The following SLC9B1 variants were observed in gnomAD, a reference collection of about 807,000 sequenced individuals.
SLC9B1 encodes the protein sodium/hydrogen exchanger 9B1.
A neutral mutation model predicts 51.7 loss-of-function variants in SLC9B1; 32 were observed. The observed-to-expected ratio is 0.62, with a 90% CI of 0.47 to 0.83. The LOEUF (loss-of-function observed/expected upper bound fraction) is 0.83. Ranked by LOEUF, SLC9B1 falls within the 40% of genes least tolerant of loss-of-function variation. The probability of loss-of-function intolerance (pLI) is 0.00; values close to 1 mark genes in which losing one functional copy is unlikely to be tolerated. For synonymous variants in SLC9B1, 145 were observed against 212.7 expected (o/e 0.68, Z 2.77); for missense variants, 406 against 613.2 (o/e 0.66, Z 3.57).
intron 3 of SLC9B1, among the ~76,000 whole-genome samples, chr4:102,988,684 G>C (rs1739788849): frequency 6.6e-6 from 1 of 151,986 alleles, no homozygotes; most frequent in Non-Finnish European, 1.5e-5. Context: ...AAAAAAGAGA[G>C]TGCAAGAATA....
intron 6 of SLC9B1, among the ~76,000 whole-genome samples, chr4:102,935,847 G>A (rs201804494): frequency 2.0e-5 from 3 of 152,140 alleles, no homozygotes; most frequent in Admixed American, 2.0e-4. Context: ...GCACCCCACA[G>A]CACCATTGCC....
chr4:102,917,753 G>T (rs1381513148), intron 7 of SLC9B1, among the ~76,000 whole-genome samples: 6 of 152,038 alleles, frequency 3.9e-5, no homozygotes, highest in African/African-American at 1.2e-4. Context: ...TCCAATGTTA[G>T]CAAAAGGAAG....
downstream of SLC9B1, among the ~76,000 whole-genome samples, chr4:102,900,614 A>G (rs1347826996): frequency 2.0e-5 from 3 of 152,308 alleles, no homozygotes; most frequent in East Asian, 5.8e-4. Context: ...TAGTCACCAA[A>G]ACCAGAATTT....
chr4:102,910,262 T>C (rs567804010), intron 9 of SLC9B1, among the ~76,000 whole-genome samples, 177 bp downstream of exon 9: 58 of 152,274 alleles, frequency 3.8e-4, no homozygotes, highest in Non-Finnish European at 7.8e-4. Context: ...GATTCCATAT[T>C]AGTATATTTC....
intron 3 of SLC9B1, among the ~76,000 whole-genome samples, chr4:102,973,835 T>C (rs751633078): frequency 2.6e-5 from 4 of 152,054 alleles, no homozygotes; most frequent in Non-Finnish European, 4.4e-5. Flanking sequence ...TAACAAAACT[T>C]GTGAGATAGA....
intron 1 of SLC9B1, among the ~76,000 whole-genome samples, chr4:102,999,950 G>C (rs754755018): frequency 6.6e-6 from 1 of 151,848 alleles, no homozygotes; most frequent in African/African-American, 2.4e-5. Context: ...CAATCAAGTG[G>C]AAGGTGAAGG....
At chr4:102,980,627 T>C (rs1363009228) in intron 3 of SLC9B1, among the ~76,000 whole-genome samples, 1 of 152,072 alleles carries the variant, frequency 6.6e-6, no homozygotes, top group Non-Finnish European at 1.5e-5. Flanking sequence ...AGCTAATGGA[T>C]GCTGAGCTTA....
At chr4:102,885,290 C>A in exon 12 of SLC9B1, 1 of 1,614,080 alleles carries the variant, frequency 6.2e-7, no homozygotes, top group East Asian at 2.2e-5. Flanking sequence ...TCGTCCATTC[C>A]TCCCGAAGAA....
At chr4:102,909,015 G>T (rs1735206591) in intron 9 of SLC9B1, among the ~76,000 whole-genome samples, 1 of 152,258 alleles carries the variant, frequency 6.6e-6, no homozygotes, top group Non-Finnish European at 1.5e-5. Flanking sequence ...ATTGGATGGT[G>T]AGGTCATCTA....
At chr4:102,898,224 G>T, downstream of SLC9B1, 1 of 517,016 alleles carries the variant, frequency 1.9e-6, no homozygotes, top group Non-Finnish European at 3.9e-6. Flanking sequence ...TGGTGCCACT[G>T]GTGTTCCAAT....
chr4:102,912,507 A>G lies in SLC9B1; in HGVS notation c.830-970T>C, dbSNP rs184149297. ...AAACAAAAAATAAAAAAACAAAATG[A>G]GTCACAAAAATAGTTCAGTTAAGCT... On this transcript the variant is annotated intron_variant, in intron 7 of 11. Transcript: ENST00000296422. Among the ~76,000 whole-genome samples, 156 of 152,318 alleles carry G rather than the reference A, an allele frequency of 1.0e-3. 1 individual carries two copies. The highest frequency in any genetic ancestry group is 3.7e-3 in the African/African-American group (152 of 41,574).
chr4:102,992,806 G>A (rs780687900), intron 1 of SLC9B1, among the ~76,000 whole-genome samples: 1 of 152,148 alleles, frequency 6.6e-6, no homozygotes, highest in Non-Finnish European at 1.5e-5. Flanking sequence ...CTGAGTCTGG[G>A]TAATTTATAA....
rs1741652703 is a variant in SLC9B1, at chr4:103,019,698, G to A, written c.-101C>T. ...CCACCCAGGTGGGCAGGGTGGTGAC[G>A]CGAAAGCCCGGATAGACTTCCGCGC... On this transcript the variant is annotated 5_prime_UTR_variant, in exon 1 of 12. Coordinates refer to ENST00000296422, the MANE Select transcript of SLC9B1 (RefSeq NM_139173.4). 6.1e-6 allele frequency: 6 copies of A among 985,390 alleles called. No homozygotes were observed. The Admixed American group carries it at 2.5e-4, about 40-fold the overall frequency. The allele number at this position is 985,390 out of a possible 1,614,324, so 61.0% of individuals were successfully genotyped here.
At position 102,885,166 on chromosome 4, in the gene SLC9B1, T is replaced by A; in HGVS notation, c.*67A>T. On this transcript the variant is annotated 3_prime_UTR_variant, in exon 12 of 12. Coordinates refer to the SLC9B1 transcript ENST00000394789. The stretch of plus-strand genomic sequence containing the variant: ...AAGGATGAAACTAGACATGCTATTT[T>A]GAATTCTTTTCCAAGAGCACTGCAG... 2.1e-6 allele frequency: 3 copies of A among 1,406,366 alleles called. No individual in the cohort carries two copies. In the South Asian group the frequency reaches 3.5e-5, roughly 16 times the overall value. The allele number at this position is 1,406,366 out of a possible 1,614,324, so 87.1% of individuals were successfully genotyped here.
At chr4:102,962,178 T>G (rs1738172483) in intron 3 of SLC9B1, 7 of 504,672 alleles carry the variant, frequency 1.4e-5, no homozygotes, top group South Asian at 1.0e-4. Context: ...TTTACTATTC[T>G]TTCTTGCATT....
chr4:102,915,103 GA>G (rs57204156), intron 7 of SLC9B1, among the ~76,000 whole-genome samples: 80,415 of 144,642 alleles, frequency 0.56, 21,996 homozygotes, highest in African/African-American at 0.68. Context: ...AGGGCTGAAA[GA>G]AAAAAAAAAA....
chr4:103,006,356 T>C (rs1303211916), intron 1 of SLC9B1, among the ~76,000 whole-genome samples: 1 of 151,944 alleles, frequency 6.6e-6, no homozygotes, highest in African/African-American at 2.4e-5. Context: ...CCTCAGACTA[T>C]TATGAACACC....
At chr4:102,980,354 A>G (rs1348707176) in intron 3 of SLC9B1, among the ~76,000 whole-genome samples, 1 of 152,246 alleles carries the variant, frequency 6.6e-6, no homozygotes, top group Non-Finnish European at 1.5e-5. Context: ...ATAAATGCCC[A>G]TCAATGATAG....
rs141412944 is a variant in SLC9B1 at position 102,974,242 on chromosome 4, G to GAAAAAAAAAAAAAAA, written c.211+15543_211+15557dup. 1.3e-4 allele frequency among the ~76,000 whole-genome samples: 7 copies of GAAAAAAAAAAAAAAA among 53,458 alleles called. 1 individual carries two copies. The highest frequency in any genetic ancestry group is 2.0e-4 in the Non-Finnish European group (6 of 29,960). The allele number at this position is 53,458 out of a possible 152,430, so 35.1% of individuals were successfully genotyped here. On this transcript the variant is annotated intron_variant, in intron 3 of 11. Transcript: ENST00000296422. Reference sequence around the variant, plus strand: ...ACAGAGCAAGACTCTGTCTAAAATTGAAAAAAAAAAAAAAAAAAAAAAAAT... The same window carrying GAAAAAAAAAAAAAAA: ...ACAGAGCAAGACTCTGTCTAAAATTGAAAAAAAAAAAAAAAAAAAAAAAAAAAAAAAAAAAAAAAT...
Sources: allele counts gnomAD v4.1 joint callset (sites outside exome capture counted in the v4.1 genomes callset), GRCh38; gene constraint gnomAD v4.1.1; transcripts MANE v1.5; gene names NCBI Gene and HGNC (gene_info 2026-07-23, HGNC 2026-07-21).